PARD3B: variants seen among roughly 807,000 people sequenced by gnomAD.
PARD3B encodes the protein par-3 family cell polarity regulator beta.
A neutral mutation model predicts 130.2 loss-of-function variants in PARD3B; 103 were observed. The ratio of observed to expected loss-of-function variants is 0.79; its 90% confidence interval spans 0.67 to 0.93. The LOEUF (loss-of-function observed/expected upper bound fraction) is 0.93. Among genes scored for constraint, PARD3B ranks in the 40% least tolerant of loss-of-function variants. The pLI is 0.00. For missense variants in PARD3B, 1,609 were observed against 1,499.2 expected, an observed-to-expected ratio of 1.07 and a Z score of -1.21; for synonymous variants, 583 against 553.2, an observed-to-expected ratio of 1.05 and a Z score of -0.76.
intron 18 of PARD3B, among the ~76,000 whole-genome samples, chr2:205,313,804 T>C (rs531079330): frequency 2.4e-4 from 37 of 152,218 alleles, no homozygotes; most frequent in African/African-American, 7.5e-4. Flanking sequence ...GGCTTAACTT[T>C]TAAAGAAATG....
rs181196978 is a variant in PARD3B at position 205,451,059 on chromosome 2, A to G, written c.3044+10387A>G. Among the ~76,000 whole-genome samples, 5 of 152,320 alleles carry G rather than the reference A, an allele frequency of 3.3e-5. No homozygotes were observed. The East Asian group carries it at 7.7e-4, about 24-fold the overall frequency. ...GTCAAGTCAGATCCTGTTTGACTGT[A>G]AACAACAGAAAACTCAGCTGATACA... On this transcript the variant is annotated intron_variant, in intron 20 of 22. Coordinates refer to ENST00000406610, the MANE Select transcript of PARD3B (RefSeq NM_001302769.2).
intron 3 of PARD3B, among the ~76,000 whole-genome samples, chr2:205,025,890 G>T (rs551757831): frequency 6.6e-6 from 1 of 152,112 alleles, no homozygotes; most frequent in Non-Finnish European, 1.5e-5. Flanking sequence ...CATTAATTCT[G>T]TGTGTCCTGG....
At chr2:205,294,925 A>G (rs181721751) in intron 16 of PARD3B, among the ~76,000 whole-genome samples, 44 of 152,324 alleles carry the variant, frequency 2.9e-4, no homozygotes, top group Non-Finnish European at 4.0e-4. Context: ...GTGATAGGCA[A>G]GAAGGTAATT....
At chr2:204,812,295 C>T (rs907229675) in intron 2 of PARD3B, among the ~76,000 whole-genome samples, 1 of 152,114 alleles carries the variant, frequency 6.6e-6, no homozygotes, top group Non-Finnish European at 1.5e-5. Flanking sequence ...GGGTCTGCAG[C>T]AGCTTGATTC....
chr2:205,050,925 T>C (rs1699147636), intron 4 of PARD3B, among the ~76,000 whole-genome samples: 1 of 152,126 alleles, frequency 6.6e-6, no homozygotes, highest in Non-Finnish European at 1.5e-5. Context: ...TTAGTGCCCG[T>C]TGTTCTGGCA....
chr2:205,578,460 C>A (rs1330769066), intron 22 of PARD3B, among the ~76,000 whole-genome samples: 2 of 152,176 alleles, frequency 1.3e-5, no homozygotes, highest in Non-Finnish European at 2.9e-5. Flanking sequence ...CTACAATCAC[C>A]TTGGCACCTG....
At chr2:204,824,185 G>C (rs553570520) in intron 2 of PARD3B, among the ~76,000 whole-genome samples, 38 of 152,170 alleles carry the variant, frequency 2.5e-4, no homozygotes, top group Admixed American at 2.4e-3. Flanking sequence ...GCTCTCATCT[G>C]TACACCCAGG....
Position 205,230,204 on chromosome 2 carries a change from C to A in PARD3B, c.2141-15574C>A, listed in dbSNP as rs1178415857. On this transcript the variant is annotated intron_variant, in intron 15 of 22. Transcript: ENST00000406610. The surrounding 1 kb of genome is among the most constrained non-coding windows in gnomAD (Gnocchi z 4.1). The stretch of plus-strand genomic sequence containing the variant: ...CTCTCCTTTTCTCAAGCAGGAGACC[C>A]TCTCCGTAGCCACCATAGTTGGGAA... 1.3e-5 allele frequency among the ~76,000 whole-genome samples: 2 copies of A among 151,956 alleles called. No homozygotes were observed. Among genetic ancestry groups the A allele is most frequent in the Non-Finnish European group, 2.9e-5 (2 of 68,008 alleles).
At chr2:205,232,253 C>A (rs773667389) in intron 15 of PARD3B, among the ~76,000 whole-genome samples, 10 of 152,090 alleles carry the variant, frequency 6.6e-5, no homozygotes, top group Admixed American at 2.0e-4. Context: ...AGTTTGAGAC[C>A]AGCCTGGGCG....
At chr2:205,507,260 G>T (rs1449671951) in intron 21 of PARD3B, among the ~76,000 whole-genome samples, 3 of 119,084 alleles carry the variant, frequency 2.5e-5, no homozygotes, top group Non-Finnish European at 4.9e-5. Context: ...TGTCACGCAG[G>T]CTGGAGTGCA....
At chr2:205,475,592 G>A (rs2048997220) in intron 20 of PARD3B, among the ~76,000 whole-genome samples, 1 of 152,292 alleles carries the variant, frequency 6.6e-6, no homozygotes. Context: ...ACTTAAGGCT[G>A]GTTTTGCTGC....
chr2:205,054,528 G>T (rs1311742438), intron 4 of PARD3B, among the ~76,000 whole-genome samples: 2 of 143,952 alleles, frequency 1.4e-5, no homozygotes, highest in Non-Finnish European at 3.0e-5. Context: ...CATGTGCCAT[G>T]TTGGTTTGCT....
chr2:205,037,279 TATATATATATAGTGGACTATTTGTATAAA>T (rs1425254191), intron 3 of PARD3B, among the ~76,000 whole-genome samples: 1,606 of 139,160 alleles, frequency 0.012, 25 homozygotes, highest in Middle Eastern at 0.034. Flanking sequence ...TTGTATAAAA[TATATATATATAGTGGACTATTTGTATAAA>T]ATATATATAG....
chr2:204,815,513 T>A (rs2043113208), intron 2 of PARD3B, among the ~76,000 whole-genome samples: 1 of 152,000 alleles, frequency 6.6e-6, no homozygotes. Flanking sequence ...GTATTATTTC[T>A]GCTTTCTAGT....
intron 4 of PARD3B, among the ~76,000 whole-genome samples, chr2:205,088,143 A>G (rs114693413): frequency 1.3e-5 from 2 of 152,220 alleles, no homozygotes; most frequent in Admixed American, 6.5e-5. Context: ...GCCATAACTC[A>G]TGGGCACTCA....
chr2:205,311,485 C>T (rs1311843180), intron 18 of PARD3B, among the ~76,000 whole-genome samples: 7 of 152,190 alleles, frequency 4.6e-5, no homozygotes, highest in Admixed American at 4.6e-4. Flanking sequence ...GAATGATAGA[C>T]ATTACCTCTT....
At chr2:205,360,813 A>G (rs2044361265) in intron 18 of PARD3B, among the ~76,000 whole-genome samples, 1 of 152,226 alleles carries the variant, frequency 6.6e-6, no homozygotes, top group African/African-American at 2.4e-5. Flanking sequence ...GAGATGTCCC[A>G]GACACACGGA....
chr2:205,117,064 T>G (rs1160348455), intron 6 of PARD3B, among the ~76,000 whole-genome samples: 4 of 152,184 alleles, frequency 2.6e-5, no homozygotes, highest in African/African-American at 7.2e-5. Context: ...AAATATCACT[T>G]ACATAAACAC....
chr2:204,951,086 T>C (rs1484004221), intron 2 of PARD3B, among the ~76,000 whole-genome samples: 3 of 152,166 alleles, frequency 2.0e-5, no homozygotes, highest in Non-Finnish European at 2.9e-5. Context: ...AGAATAAGCA[T>C]GGAGAGTCAT....
Sources: allele counts gnomAD v4.1 joint callset (sites outside exome capture counted in the v4.1 genomes callset), GRCh38; gene constraint gnomAD v4.1.1; non-coding constraint Gnocchi (gnomAD v3.1); transcripts MANE v1.5; gene names NCBI Gene and HGNC (gene_info 2026-07-23, HGNC 2026-07-21).